The following KSR2 variants were observed in gnomAD, a reference collection of about 807,000 sequenced individuals.
KSR2 encodes the protein kinase suppressor of ras 2.
A neutral mutation model predicts 107.8 loss-of-function variants in KSR2; 25 were observed. The observed-to-expected ratio is 0.23, with a 90% CI of 0.17 to 0.32. The LOEUF (loss-of-function observed/expected upper bound fraction) is 0.32. Ranked by LOEUF, KSR2 falls within the 10% of genes least tolerant of loss-of-function variation. The probability of loss-of-function intolerance (pLI) is 1.00; values close to 1 mark genes in which losing one functional copy is unlikely to be tolerated. For missense variants in KSR2, 887 were observed against 1,268.9 expected (o/e 0.70, Z 4.57); for synonymous variants, 480 against 507.0 (o/e 0.95, Z 0.71).
At chr12:117,834,483 G>GA (rs1478315411) in intron 3 of KSR2, among the ~76,000 whole-genome samples, 1 of 151,752 alleles carries the variant, frequency 6.6e-6, no homozygotes, top group Non-Finnish European at 1.5e-5. Context: ...TGATTTGAAT[G>GA]AAAAAAGAAA....
At chr12:117,697,431 G>A (rs618299) in intron 4 of KSR2, among the ~76,000 whole-genome samples, 146,563 of 152,290 alleles carry the variant, frequency 0.96, 70,543 homozygotes, top group East Asian at 1. Flanking sequence ...CATTTTCTAC[G>A]TATATGTTAC....
intron 4 of KSR2, among the ~76,000 whole-genome samples, chr12:117,712,129 G>T (rs1465547295): frequency 2.0e-5 from 3 of 152,204 alleles, no homozygotes; most frequent in Admixed American, 2.0e-4. Flanking sequence ...CAGGCTTCTT[G>T]GTCCTTGTCC....
At chr12:117,900,907 A>ATT (rs1445131864) in intron 1 of KSR2, among the ~76,000 whole-genome samples, 36 of 152,324 alleles carry the variant, frequency 2.4e-4, no homozygotes, top group Non-Finnish European at 4.9e-4. Flanking sequence ...TGGCAAAGAC[A>ATT]CCTTTTCTCT....
In KSR2 at chr12:117,731,458, G is replaced by C. The variant is rs1397623038; in HGVS notation, c.986+29553C>G. Among the ~76,000 whole-genome samples, 6 of 151,652 alleles carry C rather than the reference G, an allele frequency of 4.0e-5. No individual in the cohort carries two copies. The East Asian group carries it at 9.8e-4, about 25-fold the overall frequency. Reference sequence around the variant, plus strand: ...CCAGCCACCGCCCCGTCCGGGAGGTGGGGGGCGCCTCTGCCCGGCCGCCCC... The same window carrying C: ...CCAGCCACCGCCCCGTCCGGGAGGTCGGGGGCGCCTCTGCCCGGCCGCCCC... On this transcript the variant is annotated intron_variant, in intron 4 of 19. Transcript: ENST00000339824.
At chr12:117,480,300 G>C (rs915573095) in intron 16 of KSR2, among the ~76,000 whole-genome samples, 2 of 152,182 alleles carry the variant, frequency 1.3e-5, no homozygotes, top group Non-Finnish European at 2.9e-5. Flanking sequence ...GCCAGGGCAG[G>C]AGGTAGAGTG....
At chr12:117,800,617 T>C (rs1178142367) in intron 3 of KSR2, among the ~76,000 whole-genome samples, 7 of 152,226 alleles carry the variant, frequency 4.6e-5, no homozygotes, top group Admixed American at 4.6e-4. Flanking sequence ...AGTTCTGGGA[T>C]ACATGTGCTG....
chr12:117,767,178 C>T (rs985351723), intron 3 of KSR2, among the ~76,000 whole-genome samples: 2 of 151,388 alleles, frequency 1.3e-5, no homozygotes, highest in South Asian at 4.2e-4. Flanking sequence ...CTTTGGGAGG[C>T]CGAGATGGGC....
intron 5 of KSR2, among the ~76,000 whole-genome samples, chr12:117,584,393 TG>T (rs1395471636): frequency 7.0e-6 from 1 of 141,936 alleles, no homozygotes; most frequent in East Asian, 2.3e-4. Context: ...GTGCGAGGGG[TG>T]GGTGGGAATG....
At chr12:117,792,588 A>G (rs544023602) in intron 3 of KSR2, among the ~76,000 whole-genome samples, 107 of 152,270 alleles carry the variant, frequency 7.0e-4, no homozygotes, top group Non-Finnish European at 1.3e-3. Flanking sequence ...TATTATTAGG[A>G]ACCTCAGTCA....
At chr12:117,888,033 T>TCCACA (rs1220210330) in intron 1 of KSR2, among the ~76,000 whole-genome samples, 3 of 152,166 alleles carry the variant, frequency 2.0e-5, no homozygotes, top group Non-Finnish European at 4.4e-5. Context: ...CAGAGTGTCT[T>TCCACA]CCACACCCAG....
intron 1 of KSR2, among the ~76,000 whole-genome samples, chr12:117,964,401 T>C (rs1382970470): frequency 6.6e-6 from 1 of 152,244 alleles, no homozygotes; most frequent in Non-Finnish European, 1.5e-5. Context: ...AGAATTTGTT[T>C]TGTCCACAGA....
At chr12:117,816,837 A>C (rs972524953) in intron 3 of KSR2, among the ~76,000 whole-genome samples, 7 of 152,196 alleles carry the variant, frequency 4.6e-5, no homozygotes, top group African/African-American at 1.7e-4. Context: ...TAAGGCAACA[A>C]GGCTTCCAGA....
intron 4 of KSR2, among the ~76,000 whole-genome samples, chr12:117,733,553 C>T (rs1256674914): frequency 1.3e-5 from 2 of 152,202 alleles, no homozygotes; most frequent in East Asian, 3.9e-4. Flanking sequence ...TTGCTCATAA[C>T]AACAGAGCTG....
chr12:117,886,211 TATATAA>T (rs1894173571), intron 1 of KSR2, among the ~76,000 whole-genome samples: 1 of 150,102 alleles, frequency 6.7e-6, no homozygotes, highest in African/African-American at 2.4e-5. Flanking sequence ...CATATAGGTA[TATATAA>T]ATATATTTAT....
chr12:117,763,534 C>T (rs1275541958), intron 3 of KSR2, among the ~76,000 whole-genome samples: 1 of 152,164 alleles, frequency 6.6e-6, no homozygotes, highest in Non-Finnish European at 1.5e-5. Context: ...TAAGTTAGGG[C>T]AGTCACTTTC....
At chr12:117,596,715 C>T (rs536321211) in intron 5 of KSR2, among the ~76,000 whole-genome samples, 12 of 152,200 alleles carry the variant, frequency 7.9e-5, no homozygotes, top group African/African-American at 2.9e-4. Flanking sequence ...GACAATGCCC[C>T]ACTGGGTTTA....
At chr12:117,896,500 C>T in intron 1 of KSR2, among the ~76,000 whole-genome samples, 1 of 146,456 alleles carries the variant, frequency 6.8e-6, no homozygotes, top group Non-Finnish European at 1.5e-5. Context: ...GCTATTGTTG[C>T]CCAGGCTAGA....
chr12:117,650,884 C>G (rs1883877076), intron 5 of KSR2, among the ~76,000 whole-genome samples: 1 of 152,202 alleles, frequency 6.6e-6, no homozygotes, highest in African/African-American at 2.4e-5. Context: ...TGAGTCTTAT[C>G]TCCTGTAGAG....
intron 3 of KSR2, among the ~76,000 whole-genome samples, chr12:117,837,257 G>A (rs1056370815): frequency 2.6e-5 from 4 of 152,218 alleles, no homozygotes; most frequent in African/African-American, 9.6e-5. Context: ...GCTGTAGCTG[G>A]GTCAAGCCCT....
Sources: allele counts gnomAD v4.1 joint callset (sites outside exome capture counted in the v4.1 genomes callset), GRCh38; gene constraint gnomAD v4.1.1; transcripts MANE v1.5; gene names NCBI Gene and HGNC (gene_info 2026-07-23, HGNC 2026-07-21).